KATNIP: variants seen among roughly 807,000 people sequenced by gnomAD.
KATNIP encodes the protein katanin interacting protein, also known as katanin-interacting protein.
Under a neutral mutation model 174.0 loss-of-function variants are expected in KATNIP, and 126 were observed. The ratio of observed to expected loss-of-function variants is 0.72; its 90% CI spans 0.63 to 0.84. KATNIP has a LOEUF of 0.84. Among genes scored for constraint, KATNIP ranks in the 40% least tolerant of loss-of-function variants. KATNIP has a pLI of 0.00. For missense variants in KATNIP, 1,958 were observed against 2,109.7 expected, an observed-to-expected ratio of 0.93 and a Z score of 1.41; for synonymous variants, 810 against 835.7, an observed-to-expected ratio of 0.97 and a Z score of 0.53.
intron 13 of KATNIP, among the ~76,000 whole-genome samples, chr16:27,720,515 T>TTG (rs397712308): frequency 4.4e-4 from 66 of 148,550 alleles, no homozygotes; most frequent in African/African-American, 1.6e-3. Context: ...TTTTTTTTTT[T>TTG]GGCATCTTCC....
chr16:27,701,984 G>T (rs534035534), intron 11 of KATNIP, among the ~76,000 whole-genome samples: 2 of 152,164 alleles, frequency 1.3e-5, no homozygotes, highest in Admixed American at 1.3e-4. Context: ...TGTAGAGGGG[G>T]TCTCACAACG....
chr16:27,772,793 T>C (rs2082352813), intron 22 of KATNIP, among the ~76,000 whole-genome samples: 1 of 152,072 alleles, frequency 6.6e-6, no homozygotes, highest in African/African-American at 2.4e-5. Context: ...TCCTGTCTCC[T>C]GGGGCCTAGA....
rs2082611308 is a variant in KATNIP, at chr16:27,779,218, C to T, written c.*589C>T. Reference sequence around the variant, plus strand: ...GGGGTCCACAAGACCCTCTCTCATCCCGGTATAGGGGCCTCTCTCCTCTCA... The same window carrying T: ...GGGGTCCACAAGACCCTCTCTCATCTCGGTATAGGGGCCTCTCTCCTCTCA... On this transcript the variant is annotated 3_prime_UTR_variant, in exon 28 of 28. Coordinates refer to ENST00000261588, the MANE Select transcript of KATNIP (RefSeq NM_015202.5). The T allele has an allele frequency of 6.6e-6, 1 of 152,416 alleles. No homozygotes were observed. Among genetic ancestry groups the T allele is most frequent in the African/African-American group, 2.4e-5 (1 of 41,462 alleles). The allele number at this position is 152,416 out of a possible 1,614,324, so 9.4% of individuals were successfully genotyped here.
At position 27,563,528 on chromosome 16, in the gene KATNIP, G is replaced by A. The variant is rs144194708; in HGVS notation, c.8-10373G>A. Among the ~76,000 whole-genome samples the A allele has an allele frequency of 2.0e-3, 309 of 151,990 alleles. 3 individuals carry two copies. Among genetic ancestry groups the A allele is most frequent in the African/African-American group, 6.6e-3 (274 of 41,476 alleles). On this transcript the variant is annotated intron_variant, in intron 1 of 27. Coordinates refer to ENST00000261588, the MANE Select transcript of KATNIP (RefSeq NM_015202.5). ...GCAAGGTTCCTTCTCTAAATACAAAGAAGAAAGACTGCAGGGAAGAGGGCT... is the reference window on the plus strand; with the variant it reads ...GCAAGGTTCCTTCTCTAAATACAAAAAAGAAAGACTGCAGGGAAGAGGGCT...
At chr16:27,681,283 T>C in intron 7 of KATNIP, 116 bp from the exon 8 acceptor site, 1 of 1,334,322 alleles carries the variant, frequency 7.5e-7, no homozygotes, top group Non-Finnish European at 1.1e-6. Context: ...CTGCACAAAG[T>C]AGTTCCGTAG....
intron 6 of KATNIP, among the ~76,000 whole-genome samples, chr16:27,663,465 C>CAG (rs2077587959): frequency 1.3e-5 from 2 of 151,088 alleles, no homozygotes; most frequent in South Asian, 4.2e-4. Context: ...TATTTTGAGA[C>CAG]AGAGTATTGC....
rs369096704 is a variant in KATNIP, at chr16:27,754,208, C to T, written c.3588C>T (p.Val1196=). 2.4e-5 allele frequency: 38 copies of T among 1,614,028 alleles called. No homozygotes were observed. The highest frequency in any genetic ancestry group is 3.1e-5 in the Non-Finnish European group (37 of 1,179,974). The change falls in exon 18 of 28, where the codon GTC becomes GTT. Residue 1196 remains valine (V), a synonymous_variant. Coordinates refer to ENST00000261588, the MANE Select transcript of KATNIP (RefSeq NM_015202.5). ...TAGAGCTCCCATCCAGTTCCCCTGTCCCCCAAGTCACCACGCCAGAGCCAG... is the reference window on the plus strand; with the variant it reads ...TAGAGCTCCCATCCAGTTCCCCTGTTCCCCAAGTCACCACGCCAGAGCCAG... The part of the protein sequence containing the change: ...PELELPSSSP[V]PQVTTPEPGI...
chr16:27,775,149 C>G, intron 24 of KATNIP, 65 bp downstream of exon 24: 5 of 1,550,836 alleles, frequency 3.2e-6, no homozygotes, highest in South Asian at 2.3e-5. Flanking sequence ...CTTTCTTTCC[C>G]TGGTCTCAGT....
intron 6 of KATNIP, among the ~76,000 whole-genome samples, chr16:27,666,911 A>T (rs1417150844): frequency 6.6e-6 from 1 of 152,110 alleles, no homozygotes; most frequent in Non-Finnish European, 1.5e-5. Context: ...GTAATCTGTT[A>T]TGGATTACAT....
intron 1 of KATNIP, among the ~76,000 whole-genome samples, chr16:27,563,863 A>G (rs2089981582): frequency 6.8e-6 from 1 of 147,492 alleles, no homozygotes; most frequent in South Asian, 2.2e-4. Context: ...CAGCTAGGCA[A>G]CATAGTGAGA....
In KATNIP at chr16:27,648,657, T is replaced by C; in HGVS notation, c.462T>C (p.Pro154=). 6.2e-7 allele frequency: 1 copy of C among 1,614,224 alleles called. No individual in the cohort carries two copies. The highest frequency in any genetic ancestry group is 8.5e-7 in the Non-Finnish European group (1 of 1,180,034). The part of the protein sequence containing the change: ...EAGPRLHIEP[P]VDYSDDFELC... ...GCCCACGGCTCCACATCGAACCTCC[T>C]GTGGACTATTCTGATGATTTTGAGC... The change falls in exon 6 of 28, where the codon CCT becomes CCC. Residue 154 remains proline, a synonymous_variant. Coordinates refer to ENST00000261588, the MANE Select transcript of KATNIP (RefSeq NM_015202.5).
In KATNIP at chr16:27,751,789, T is replaced by C. The variant is rs2289875; in HGVS notation, c.3417T>C (p.Ser1139=). 53,260 of 1,614,142 alleles carry C rather than the reference T, an allele frequency of 0.033. 2,382 individuals carry two copies. The highest frequency in any genetic ancestry group is 0.21 in the African/African-American group (15,511 of 74,976). ...ACATTCTCGAGGCCATATTCTATTCTGATGAGATGTTTGACCTGGATGTGG... is the reference window on the plus strand; with the variant it reads ...ACATTCTCGAGGCCATATTCTATTCCGATGAGATGTTTGACCTGGATGTGG... ...DDDILEAIFY[S]DEMFDLDVGS... Residue 1139 remains serine, a synonymous_variant, in exon 17 of 28, where the codon TCT becomes TCC. Transcript: ENST00000261588.
At chr16:27,721,468 G>T in intron 13 of KATNIP, 90 bp from the exon 14 acceptor site, 3 of 1,523,486 alleles carry the variant, frequency 2.0e-6, no homozygotes, top group Non-Finnish European at 2.7e-6. Flanking sequence ...GGCCTCTCCT[G>T]GTTTTCGTGA....
chr16:27,688,794 C>T (rs2078613315), intron 8 of KATNIP, among the ~76,000 whole-genome samples: 1 of 152,222 alleles, frequency 6.6e-6, no homozygotes, highest in African/African-American at 2.4e-5. Context: ...AGATGGCCCC[C>T]AGTGGCTCCA....
intron 2 of KATNIP, among the ~76,000 whole-genome samples, chr16:27,607,099 C>T (rs564527419): frequency 2.8e-4 from 42 of 152,106 alleles, no homozygotes; most frequent in Non-Finnish European, 4.0e-4. Context: ...ATCACATGGC[C>T]GGGGAGATGG....
intron 14 of KATNIP, among the ~76,000 whole-genome samples, chr16:27,725,148 G>A (rs750437688): frequency 6.6e-6 from 1 of 152,164 alleles, no homozygotes; most frequent in East Asian, 1.9e-4. Flanking sequence ...ATTGAATGCC[G>A]CAGGTATCAG....
chr16:27,703,889 A>G lies in KATNIP; in HGVS notation c.1287-7A>G. 1 of 1,611,936 alleles carries G rather than the reference A, an allele frequency of 6.2e-7. No homozygotes were observed. Among genetic ancestry groups the G allele is most frequent in the Non-Finnish European group, 8.5e-7 (1 of 1,178,004 alleles). On this transcript the variant is annotated splice_region_variant and splice_polypyrimidine_tract_variant and intron_variant, in intron 11 of 27. Coordinates refer to ENST00000261588, the MANE Select transcript of KATNIP (RefSeq NM_015202.5). Reference sequence around the variant, plus strand: ...TTCCTGTTTGCTAAAACCAAATCCCATTTCAGACAACAGCAGAAGCTTCTG... The same window carrying G: ...TTCCTGTTTGCTAAAACCAAATCCCGTTTCAGACAACAGCAGAAGCTTCTG...
In KATNIP at chr16:27,761,504, G is replaced by C. The variant is rs1033524214; in HGVS notation, c.3723G>C (p.Leu1241=). Residue 1241 remains leucine, a synonymous_variant, in exon 19 of 28, where the codon CTG becomes CTC. Transcript: ENST00000261588. Reference sequence around the variant, plus strand: ...TGGTGGGCAAGGAGGGCCAGGCGCTGCCCATCCACCTGCACCAGATCTCTG... The same window carrying C: ...TGGTGGGCAAGGAGGGCCAGGCGCTCCCCATCCACCTGCACCAGATCTCTG... ...LEVVGKEGQA[L]PIHLHQISAS... 6.2e-7 allele frequency: 1 copy of C among 1,614,120 alleles called. No homozygotes were observed. The highest frequency in any genetic ancestry group is 8.5e-7 in the Non-Finnish European group (1 of 1,180,012).
intron 19 of KATNIP, among the ~76,000 whole-genome samples, chr16:27,762,794 T>C (rs1472382612): frequency 6.6e-6 from 1 of 152,076 alleles, no homozygotes; most frequent in African/African-American, 2.4e-5. Context: ...GGCAAGTCAC[T>C]CTCCTGAGTA....
Sources: allele counts gnomAD v4.1 joint callset (sites outside exome capture counted in the v4.1 genomes callset), GRCh38; gene constraint gnomAD v4.1.1; transcripts MANE v1.5; gene names NCBI Gene and HGNC (gene_info 2026-07-23, HGNC 2026-07-21).